ABHD11: variants seen among roughly 807,000 people sequenced by gnomAD.
The protein encoded by ABHD11 is abhydrolase domain containing 11, also known as sn-1-specific diacylglycerol lipase ABHD11.
ABHD11 carries 26 observed loss-of-function variants against 29.0 expected under a neutral mutation model. The observed-to-expected ratio is 0.90, with a 90% CI of 0.66 to 1.24. The LOEUF (loss-of-function observed/expected upper bound fraction) is 1.24, where lower values mean the gene tolerates loss of function less well. Ranked by LOEUF, ABHD11 falls within the 50% of genes most tolerant of loss-of-function variation. ABHD11 has a pLI of 0.00. For synonymous variants in ABHD11, 169 were observed against 166.4 expected, an observed-to-expected ratio of 1.02 and a Z score of -0.12; for missense variants, 381 against 422.4, an observed-to-expected ratio of 0.90 and a Z score of 0.86.
intron 2 of ABHD11, 34 bp downstream of exon 2, chr7:73,738,294 G>GC (rs782809702): frequency 6.0e-6 from 4 of 670,418 alleles, no homozygotes; most frequent in African/African-American, 3.8e-5. Context: ...CTCCCGCCCA[G>GC]CCCCAAAGGA....
rs782698351 is a variant in ABHD11, at chr7:73,737,250, C to A, written c.577G>T (p.Ala193Ser). 3.2e-5 allele frequency: 51 copies of A among 1,614,032 alleles called. No individual in the cohort carries two copies. The highest frequency in any genetic ancestry group is 4.2e-5 in the Non-Finnish European group (49 of 1,180,048). Residue 193 changes from alanine to serine, a missense_variant, in exon 4 of 6, where the codon GCG becomes TCG. Transcript: ENST00000222800. ...ELPRSRARKL[A>S]DEQLSSVIQD... Reference sequence around the variant, plus strand: ...ATGACAGAACTGAGCTGTTCATCCGCCAGTTTTCGGGCACGGGAGCGGGGC... The same window carrying A: ...ATGACAGAACTGAGCTGTTCATCCGACAGTTTTCGGGCACGGGAGCGGGGC...
chr7:73,737,290 G>C lies in ABHD11; in HGVS notation c.537C>G (p.Asn179Lys), dbSNP rs1554622217. Residue 179 changes from asparagine to lysine, a missense_variant, in exon 4 of 6, where the codon AAC becomes AAG. Physicochemically the swap from Asn to Lys is moderately conservative, Grantham distance 94 (BLOSUM62 0). Transcript: ENST00000222800. Reference protein sequence around the residue: ...ATYVAAMRAINIADELPRSRA... With the variant: ...ATYVAAMRAIKIADELPRSRA... ...GGGAGCGGGGCAGCTCATCTGCGAT[G>C]TTGATGGCCCTCATGGCTGCCACAT... 2 of 1,614,136 alleles carry C rather than the reference G, an allele frequency of 1.2e-6. No individual in the cohort carries two copies. Among genetic ancestry groups the C allele is most frequent in the Non-Finnish European group, 1.7e-6 (2 of 1,180,038 alleles).
rs1554622951 is a variant in ABHD11, at chr7:73,738,637, T to C, written c.125+9A>G. On this transcript the variant is annotated intron_variant, in intron 1 of 5. Coordinates refer to ENST00000222800, the MANE Select transcript of ABHD11 (RefSeq NM_148912.4). The stretch of plus-strand genomic sequence containing the variant: ...GAGGATGGCCTCCCGCCCGGTGCCC[T>C]TGACTGACCTCGGCTCGGCGCCCCC... 2.5e-6 allele frequency: 4 copies of C among 1,591,330 alleles called. No homozygotes were observed. The highest frequency in any genetic ancestry group is 1.1e-5 in the South Asian group (1 of 88,324).
In ABHD11 at chr7:73,737,677, T is replaced by C. The variant is rs1800051263; in HGVS notation, c.320A>G (p.Tyr107Cys). The change falls in exon 3 of 6, where the codon TAC becomes TGC. Residue 107 changes from tyrosine to cysteine, a missense_variant. Physicochemically the swap from Tyr to Cys is radical, Grantham distance 194 (BLOSUM62 -2). Transcript: ENST00000222800. ...GDSPHSPDMS[Y>C]EIMSQDLQDL... ...CTGCAGGTCCTGGCTCATGATCTCG[T>C]AGCTCATGTCTGGGCTGTGGGGGCT... The C allele has an allele frequency of 1.2e-6, 2 of 1,614,106 alleles. No homozygotes were observed. Among genetic ancestry groups the C allele is most frequent in the Non-Finnish European group, 1.7e-6 (2 of 1,179,986 alleles).
At chr7:73,736,770 C>T (rs1173137979) in intron 5 of ABHD11, 79 bp from the exon 6 acceptor site, 60 of 1,604,180 alleles carry the variant, frequency 3.7e-5, no homozygotes, top group Middle Eastern at 2.1e-4. Flanking sequence ...GGAAGCAGAA[C>T]GGGGAGAAAT....
At chr7:73,737,814 G>A in intron 2 of ABHD11, 79 bp from the exon 3 acceptor site, 3 of 1,531,652 alleles carry the variant, frequency 2.0e-6, no homozygotes, top group South Asian at 1.3e-5. Context: ...AGGGACAGCA[G>A]GTCAAAGGTG....
In ABHD11 at chr7:73,738,112, C is replaced by T. The variant is rs576138584; in HGVS notation, c.261+216G>A. 4.1e-4 allele frequency: 366 copies of T among 899,324 alleles called. 11 individuals carry two copies. Among genetic ancestry groups the T allele is most frequent in the Non-Finnish European group, 3.8e-4 (208 of 553,010 alleles). 55.7% of individuals were successfully genotyped at this position (899,324 alleles called of 1,614,324 possible). A position where few individuals can be genotyped will look rare whatever the true frequency, so the allele number is the denominator to read the frequency against. On this transcript the variant is annotated intron_variant, in intron 2 of 5. Transcript: ENST00000222800. Reference sequence around the variant, plus strand: ...GGCCCCTTCATGGAAAGGGTGCAGGCGCCTAGGCATGGGCCAGCCCCGATG... The same window carrying T: ...GGCCCCTTCATGGAAAGGGTGCAGGTGCCTAGGCATGGGCCAGCCCCGATG...
rs782192308 is a variant in ABHD11 at position 73,738,416 on chromosome 7, G to C, written c.173C>G (p.Pro58Arg). 5 of 1,611,388 alleles carry C rather than the reference G, an allele frequency of 3.1e-6. No individual in the cohort carries two copies. Among genetic ancestry groups the C allele is most frequent in the Non-Finnish European group, 4.2e-6 (5 of 1,178,916 alleles). Residue 58 changes from proline to arginine, a missense_variant, in exon 2 of 6, where the codon CCG becomes CGG. Transcript: ENST00000222800. ...GAGCCCGTGCAAAAAGACGACGGCCGGGAGGGCTGCCTCCCCGTCCAGAAG... is the reference window on the plus strand; with the variant it reads ...GAGCCCGTGCAAAAAGACGACGGCCCGGAGGGCTGCCTCCCCGTCCAGAAG... The part of the protein sequence containing the change: ...YRLLDGEAAL[P>R]AVVFLHGLFG...
intron 2 of ABHD11, chr7:73,738,090 C>G: frequency 2.5e-6 from 2 of 796,710 alleles, no homozygotes; most frequent in Non-Finnish European, 4.4e-6. Context: ...ACAAGCAGGC[C>G]CCTTCATGGA....
At chr7:73,738,064 C>T (rs1554622615) in intron 2 of ABHD11, 3 of 758,098 alleles carry the variant, frequency 4.0e-6, no homozygotes, top group Admixed American at 4.0e-5. Context: ...GGTGAGCTCC[C>T]GGTCATCCCT....
chr7:73,737,261 G>T lies in ABHD11; in HGVS notation c.566C>A (p.Ala189Asp), dbSNP rs1554622201. Residue 189 changes from alanine (A) to aspartate (D), a missense_variant, in exon 4 of 6, where the codon GCC becomes GAC. Ala to Asp is a moderately radical substitution (Grantham distance 126). Coordinates refer to ENST00000222800, the MANE Select transcript of ABHD11 (RefSeq NM_148912.4). ...GAGCTGTTCATCCGCCAGTTTTCGG[G>T]CACGGGAGCGGGGCAGCTCATCTGC... The part of the protein sequence containing the change: ...NIADELPRSR[A>D]RKLADEQLSS... 2.5e-6 allele frequency: 4 copies of T among 1,614,084 alleles called. No homozygotes were observed. The highest frequency in any genetic ancestry group is 1.3e-5 in the African/African-American group (1 of 75,048).
intron 2 of ABHD11, chr7:73,738,112 C>A (rs576138584): frequency 5.6e-5 from 50 of 899,330 alleles, no homozygotes; most frequent in Non-Finnish European, 8.3e-5. Context: ...AGGGTGCAGG[C>A]GCCTAGGCAT....
intron 3 of ABHD11, 36 bp from the exon 4 acceptor site, chr7:73,737,427 C>A: frequency 6.3e-7 from 1 of 1,592,926 alleles, no homozygotes; most frequent in Non-Finnish European, 8.6e-7. Context: ...CAGTCTTAGG[C>A]AGACATAGGG....
At position 73,737,571 on chromosome 7, in the gene ABHD11, T is replaced by C. The variant is rs199708207; in HGVS notation, c.426A>G (p.Ala142=). Residue 142 remains alanine (A), a synonymous_variant, in exon 3 of 6, where the codon GCA becomes GCG. Coordinates refer to ENST00000222800, the MANE Select transcript of ABHD11 (RefSeq NM_148912.4). ...GACATGGGCGGCTCACCCTCTGTAG[T>C]GCCAGCAGCATGGCTGTCTTTCCTC... ...SMGGKTAMLL[A]LQRPELVERL... is the part of the protein sequence containing the mutation. The C allele has an allele frequency of 1.4e-5, 22 of 1,606,910 alleles. No homozygotes were observed. In the East Asian group the frequency reaches 4.5e-4, roughly 33 times the overall value.
chr7:73,736,111 T>C lies in ABHD11; in HGVS notation c.*448A>G, dbSNP rs782661767. 4 of 456,802 alleles carry C rather than the reference T, an allele frequency of 8.8e-6. No homozygotes were observed. The highest frequency in any genetic ancestry group is 6.2e-5 in the South Asian group (4 of 64,568). 28.3% of individuals were successfully genotyped at this position (456,802 alleles called of 1,614,324 possible). A position where few individuals can be genotyped will look rare whatever the true frequency, so the allele number is the denominator to read the frequency against. ...CCCAGGACTTTGGGAGTAGTGTCTT[T>C]ATTCATTAAAGCCTGAGGTCTGACC... On this transcript the variant is annotated 3_prime_UTR_variant, in exon 6 of 6. Coordinates refer to ENST00000222800, the MANE Select transcript of ABHD11 (RefSeq NM_148912.4).
chr7:73,737,259 G>C lies in ABHD11; in HGVS notation c.568C>G (p.Arg190Gly). Residue 190 changes from arginine (R) to glycine (G), a missense_variant, in exon 4 of 6, where the codon CGA becomes GGA. By Grantham distance (125) the Arg-to-Gly change is moderately radical. Transcript: ENST00000222800. The part of the protein sequence containing the change: ...IADELPRSRA[R>G]KLADEQLSSV... ...CTGAGCTGTTCATCCGCCAGTTTTCGGGCACGGGAGCGGGGCAGCTCATCT... is the reference window on the plus strand; with the variant it reads ...CTGAGCTGTTCATCCGCCAGTTTTCCGGCACGGGAGCGGGGCAGCTCATCT... 5.0e-6 allele frequency: 8 copies of C among 1,614,080 alleles called. No individual in the cohort carries two copies. Among genetic ancestry groups the C allele is most frequent in the Non-Finnish European group, 5.9e-6 (7 of 1,180,026 alleles).
chr7:73,737,944 C>T, intron 2 of ABHD11: 2 of 877,198 alleles, frequency 2.3e-6, no homozygotes, highest in South Asian at 2.9e-5. Context: ...GTTGTGACCA[C>T]GTCTCTGAAG....
At chr7:73,737,511 C>A (rs782036813) in intron 3 of ABHD11, 51 bp downstream of exon 3, 1 of 1,561,086 alleles carries the variant, frequency 6.4e-7, no homozygotes, top group Non-Finnish European at 8.7e-7. Flanking sequence ...GCCTGCAGGG[C>A]CCTCAGGGTA....
chr7:73,737,903 G>C (rs1800087047), intron 2 of ABHD11, 168 bp from the exon 3 acceptor site: 3 of 1,054,944 alleles, frequency 2.8e-6, no homozygotes, highest in Non-Finnish European at 2.8e-6. Context: ...AGAACCTGGG[G>C]CCACTCTGCC....
Sources: allele counts gnomAD v4.1 joint callset, GRCh38; gene constraint gnomAD v4.1.1; transcripts MANE v1.5; gene names NCBI Gene and HGNC (gene_info 2026-07-23, HGNC 2026-07-21).